The following TRHDE variants were observed in gnomAD, a reference collection of about 807,000 sequenced individuals.
TRHDE encodes the protein thyrotropin-releasing hormone-degrading ectoenzyme.
In TRHDE, 72 loss-of-function variants were observed where a neutral mutation model predicts 125.7. That is an observed-to-expected ratio of 0.57 (90% CI 0.47 to 0.70). The LOEUF (loss-of-function observed/expected upper bound fraction) is 0.70. TRHDE is among the 30% of genes least tolerant of loss of function. The pLI, the probability that TRHDE is intolerant of heterozygous loss-of-function variation, is 0.00. For missense variants in TRHDE, 1,110 were observed against 1,327.1 expected, an observed-to-expected ratio of 0.84 and a Z score of 2.54; for synonymous variants, 509 against 509.1, an observed-to-expected ratio of 1.00 and a Z score of 0.00.
At chr12:72,343,129 T>A (rs555407576) in intron 2 of TRHDE, among the ~76,000 whole-genome samples, 2 of 152,190 alleles carry the variant, frequency 1.3e-5, no homozygotes, top group East Asian at 3.9e-4. Context: ...GCTTTATAGA[T>A]AGCATATATT....
intron 5 of TRHDE, among the ~76,000 whole-genome samples, chr12:72,486,791 T>C (rs1209079003): frequency 6.6e-6 from 1 of 152,078 alleles, no homozygotes; most frequent in African/African-American, 2.4e-5. Flanking sequence ...ACATAATAAT[T>C]CTTCAGTAAC....
intron 1 of TRHDE, among the ~76,000 whole-genome samples, chr12:72,091,391 A>G (rs907746286): frequency 1.3e-5 from 2 of 152,212 alleles, no homozygotes; most frequent in African/African-American, 4.8e-5. Context: ...TCCTTCATGT[A>G]AGGTACAAGC....
At chr12:72,130,376 A>G (rs76711677) in intron 2 of TRHDE, among the ~76,000 whole-genome samples, 15,939 of 152,272 alleles carry the variant, frequency 0.1, 1,722 homozygotes, top group African/African-American at 0.27. Flanking sequence ...CAGGATTGCC[A>G]TATTAGATAT....
At chr12:72,606,174 G>A (rs1450163578) in intron 12 of TRHDE, among the ~76,000 whole-genome samples, 1 of 152,068 alleles carries the variant, frequency 6.6e-6, no homozygotes, top group Non-Finnish European at 1.5e-5. Flanking sequence ...GCACTTGTAT[G>A]TGGGATTCTC....
chr12:72,371,859 C>T (rs1372825714), intron 2 of TRHDE, among the ~76,000 whole-genome samples: 1 of 152,132 alleles, frequency 6.6e-6, no homozygotes, highest in Non-Finnish European at 1.5e-5. Context: ...CATACATGTG[C>T]ATGTGTCTTT....
intron 2 of TRHDE, among the ~76,000 whole-genome samples, chr12:72,298,942 T>C (rs181865567): frequency 8.7e-4 from 132 of 152,308 alleles, no homozygotes; most frequent in Middle Eastern, 3.4e-3. Context: ...AAGTGGAGTT[T>C]AGGTTGCAGT....
At chr12:72,319,615 A>C (rs1159727670) in intron 2 of TRHDE, among the ~76,000 whole-genome samples, 1 of 152,162 alleles carries the variant, frequency 6.6e-6, no homozygotes, top group Non-Finnish European at 1.5e-5. Flanking sequence ...TGTTTTTATT[A>C]ATCTGGCCAT....
intron 6 of TRHDE, among the ~76,000 whole-genome samples, chr12:72,503,838 A>G (rs1878252323): frequency 6.6e-6 from 1 of 152,102 alleles, no homozygotes; most frequent in South Asian, 2.1e-4. Flanking sequence ...TGTTTCCCCA[A>G]AGGGCTATGA....
chr12:72,300,857 A>G (rs890358552), intron 2 of TRHDE, among the ~76,000 whole-genome samples: 1 of 152,122 alleles, frequency 6.6e-6, no homozygotes, highest in African/African-American at 2.4e-5. Flanking sequence ...GTGACAAAAA[A>G]ATAGAAGTGA....
intron 3 of TRHDE, among the ~76,000 whole-genome samples, chr12:72,441,116 TA>T (rs1874989550): frequency 6.6e-6 from 1 of 151,864 alleles, no homozygotes; most frequent in South Asian, 2.1e-4. Context: ...TACAAGATGA[TA>T]AGGGCTTAAT....
chr12:72,455,413 G>T (rs1875795890), intron 3 of TRHDE, among the ~76,000 whole-genome samples: 2 of 152,062 alleles, frequency 1.3e-5, no homozygotes, highest in South Asian at 4.1e-4. Flanking sequence ...ATAATTCAAG[G>T]CTGAAGATTT....
chr12:72,597,360 T>C (rs1252080419), intron 12 of TRHDE, among the ~76,000 whole-genome samples: 6 of 152,064 alleles, frequency 3.9e-5, no homozygotes, highest in African/African-American at 9.7e-5. Context: ...TATTAGTCAA[T>C]AGTGATTTGT....
At chr12:72,286,617 T>C in intron 1 of TRHDE, 64 bp from the exon 2 acceptor site, 4 of 1,436,328 alleles carry the variant, frequency 2.8e-6, no homozygotes, top group Non-Finnish European at 3.8e-6. Flanking sequence ...CAGAAGCATG[T>C]AATGTGGCCA....
intron 2 of TRHDE, among the ~76,000 whole-genome samples, chr12:72,141,846 T>G (rs959700438): frequency 1.3e-5 from 2 of 152,184 alleles, no homozygotes; most frequent in African/African-American, 4.8e-5. Flanking sequence ...AGGAGAGGGC[T>G]TTCCCCTACC....
intron 15 of TRHDE, among the ~76,000 whole-genome samples, chr12:72,629,324 C>A (rs558894104): frequency 6.6e-6 from 1 of 151,562 alleles, no homozygotes; most frequent in Non-Finnish European, 1.5e-5. Context: ...CATAAGTATG[C>A]TTTTTTGAAG....
chr12:72,454,591 T>A (rs1382273798), intron 3 of TRHDE, among the ~76,000 whole-genome samples: 1 of 152,166 alleles, frequency 6.6e-6, no homozygotes, highest in Non-Finnish European at 1.5e-5. Context: ...AAATAAACAT[T>A]GTATTTTACT....
At chr12:72,277,777 T>A (rs1879542050) in intron 1 of TRHDE, among the ~76,000 whole-genome samples, 1 of 152,166 alleles carries the variant, frequency 6.6e-6, no homozygotes, top group Admixed American at 6.5e-5. Context: ...GTAGTGCCAT[T>A]TGATTTGATC....
At chr12:72,481,322 T>TA (rs769318710) in intron 5 of TRHDE, among the ~76,000 whole-genome samples, 6,524 of 54,680 alleles carry the variant, frequency 0.12, 416 homozygotes, top group African/African-American at 0.28. Context: ...AGTGATAGAA[T>TA]AAAAAAAAAA....
intron 3 of TRHDE, among the ~76,000 whole-genome samples, chr12:72,403,598 C>G (rs1768990033): frequency 6.6e-6 from 1 of 152,180 alleles, no homozygotes; most frequent in Non-Finnish European, 1.5e-5. Flanking sequence ...AATATTTATA[C>G]TTGCCTTCAG....
Sources: gnomAD v4.1 joint callset for allele counts (sites outside exome capture counted in the v4.1 genomes callset) on GRCh38, gnomAD v4.1.1 for gene constraint, MANE v1.5 for transcripts, NCBI Gene and HGNC (gene_info 2026-07-23, HGNC 2026-07-21) for gene names.